ERP44: variants seen among roughly 807,000 people sequenced by gnomAD.
ERP44 encodes the protein endoplasmic reticulum resident protein 44.
ERP44 carries 25 observed loss-of-function variants against 53.4 expected under a neutral mutation model. The ratio of observed to expected loss-of-function variants is 0.47; its 90% CI spans 0.34 to 0.65. The LOEUF (loss-of-function observed/expected upper bound fraction) is 0.65. Among genes scored for constraint, ERP44 ranks in the 30% least tolerant of loss-of-function variants. The pLI, the probability that ERP44 is intolerant of heterozygous loss-of-function variation, is 0.01. For synonymous variants in ERP44, 145 were observed against 161.2 expected, an observed-to-expected ratio of 0.90 and a Z score of 0.76; for missense variants, 338 against 493.2, an observed-to-expected ratio of 0.69 and a Z score of 2.98.
intron 4 of ERP44, among the ~76,000 whole-genome samples, chr9:100,028,017 T>C (rs1236298811): frequency 6.6e-6 from 1 of 152,210 alleles, no homozygotes; most frequent in African/African-American, 2.4e-5. Context: ...TAACTGCTCA[T>C]CCAAATTCTG....
chr9:100,013,204 A>C (rs1292178294), intron 8 of ERP44, among the ~76,000 whole-genome samples: 1 of 152,164 alleles, frequency 6.6e-6, no homozygotes, highest in East Asian at 1.9e-4. Context: ...AACAATATAC[A>C]TACACCTTAG....
At chr9:100,036,040 C>T (rs1825845818) in intron 4 of ERP44, among the ~76,000 whole-genome samples, 1 of 152,200 alleles carries the variant, frequency 6.6e-6, no homozygotes, top group Admixed American at 6.5e-5. Flanking sequence ...AATCCCATTA[C>T]TGGGGATATA....
intron 1 of ERP44, 31 bp from the exon 2 acceptor site, chr9:100,060,203 ATG>A: frequency 6.9e-7 from 1 of 1,450,972 alleles, no homozygotes; most frequent in Non-Finnish European, 9.1e-7. Context: ...AAATTAATAA[ATG>A]TGTCCACAAA....
intron 1 of ERP44, among the ~76,000 whole-genome samples, chr9:100,085,107 T>A (rs1308234987): frequency 1.3e-5 from 2 of 152,250 alleles, no homozygotes; most frequent in Non-Finnish European, 2.9e-5. Flanking sequence ...GCTCGGTTAT[T>A]ATATATTTTA....
At chr9:100,068,349 G>A (rs1456092890) in intron 1 of ERP44, among the ~76,000 whole-genome samples, 65 of 118,990 alleles carry the variant, frequency 5.5e-4, no homozygotes, top group South Asian at 1.4e-3. Flanking sequence ...TCAGCCCCCC[G>A]CCCGGCCAGC....
chr9:100,060,662 G>C lies in ERP44; in HGVS notation c.58-490C>G, dbSNP rs995631357. Among the ~76,000 whole-genome samples, 7 of 152,268 alleles carry C rather than the reference G, an allele frequency of 4.6e-5. No homozygotes were observed. The East Asian group carries it at 1.3e-3, about 29-fold the overall frequency. On this transcript the variant is annotated intron_variant, in intron 1 of 11. Coordinates refer to ENST00000262455, the MANE Select transcript of ERP44 (RefSeq NM_015051.3). ...CTTCCGGTATAATTTTCACTTATTG[G>C]TGACAACAATGTGTTACATGAGAGG...
rs1233695070 is a variant in ERP44 at position 100,006,654 on chromosome 9, G to A, written c.875-7C>T. The A allele has an allele frequency of 1.3e-6, 2 of 1,550,218 alleles. No homozygotes were observed. Among genetic ancestry groups the A allele is most frequent in the Non-Finnish European group, 1.7e-6 (2 of 1,151,358 alleles). On this transcript the variant is annotated splice_polypyrimidine_tract_variant and splice_region_variant and intron_variant, in intron 9 of 11. Coordinates refer to ENST00000262455, the MANE Select transcript of ERP44 (RefSeq NM_015051.3). ...TGTAAAAAGTTTATTGTACCTTTAAGAAAAAAGAATTTTGAGAGGTAAATT... is the reference window on the plus strand; with the variant it reads ...TGTAAAAAGTTTATTGTACCTTTAAAAAAAAAGAATTTTGAGAGGTAAATT...
intron 1 of ERP44, among the ~76,000 whole-genome samples, chr9:100,061,181 G>C (rs1826142291): frequency 2.0e-5 from 3 of 152,186 alleles, no homozygotes; most frequent in Admixed American, 2.0e-4. Context: ...GGTGGCTCAT[G>C]CCTGTAATCC....
chr9:100,097,906 TCTA>T (rs1826664634), intron 1 of ERP44, among the ~76,000 whole-genome samples: 1 of 152,192 alleles, frequency 6.6e-6, no homozygotes, highest in Admixed American at 6.5e-5. Context: ...TTTCTAAAAA[TCTA>T]CTACAATTAA....
chr9:100,078,975 A>T (rs1826389628), intron 1 of ERP44, among the ~76,000 whole-genome samples: 1 of 152,134 alleles, frequency 6.6e-6, no homozygotes. Flanking sequence ...ATTATGTATG[A>T]TCTCAGGAGA....
At position 99,980,240 on chromosome 9, in the gene ERP44, T is replaced by A. The variant is rs952630445; in HGVS notation, c.*2372A>T. 7.6e-6 allele frequency: 3 copies of A among 394,854 alleles called. No individual in the cohort carries two copies. The highest frequency in any genetic ancestry group is 6.2e-5 in the African/African-American group (3 of 48,580). The allele number at this position is 394,854 out of a possible 1,614,324, so 24.5% of individuals were successfully genotyped here. ...TTGTTTACATATCCATATGCCTGAC[T>A]AGGCTGTGAACAACTCTAGGGCAGA... On this transcript the variant is annotated 3_prime_UTR_variant, in exon 12 of 12. Coordinates refer to ENST00000262455, the MANE Select transcript of ERP44 (RefSeq NM_015051.3).
rs1587951514 is a variant in ERP44, at chr9:99,981,952, C to T, written c.*660G>A. 1 of 152,292 alleles carries T rather than the reference C, an allele frequency of 6.6e-6. No homozygotes were observed. The highest frequency in any genetic ancestry group is 2.1e-4 in the South Asian group (1 of 4,824). The allele number at this position is 152,292 out of a possible 1,614,324, so 9.4% of individuals were successfully genotyped here. ...TCCATATGCCACATTTTTAGACAAA[C>T]ACAGAAGCTTAATAATACTTTTCAT... is the stretch of plus-strand genomic sequence containing the variant. On this transcript the variant is annotated 3_prime_UTR_variant, in exon 12 of 12. Transcript: ENST00000262455.
chr9:100,008,342 A>C (rs1342820973), intron 8 of ERP44, among the ~76,000 whole-genome samples: 2 of 152,172 alleles, frequency 1.3e-5, no homozygotes, highest in Non-Finnish European at 2.9e-5. Flanking sequence ...CACACAGAAA[A>C]GCACCTTGAA....
At chr9:99,994,171 T>C (rs1274230094) in intron 10 of ERP44, among the ~76,000 whole-genome samples, 3 of 152,212 alleles carry the variant, frequency 2.0e-5, no homozygotes, top group East Asian at 1.9e-4. Context: ...CAAAGCATTA[T>C]AAATCATGCT....
chr9:100,098,678 G>A (rs1826693083), intron 1 of ERP44, 106 bp downstream of exon 1: 2 of 980,206 alleles, frequency 2.0e-6, no homozygotes, highest in East Asian at 5.1e-5. Context: ...CCAAAACACT[G>A]CAGGAAAAGA....
intron 3 of ERP44, among the ~76,000 whole-genome samples, chr9:100,055,447 AC>A (rs1387194695): frequency 6.6e-6 from 1 of 152,182 alleles, no homozygotes; most frequent in Non-Finnish European, 1.5e-5. Context: ...ATCTCAGCTC[AC>A]CGCAACCTCC....
intron 1 of ERP44, among the ~76,000 whole-genome samples, chr9:100,082,395 T>A (rs1826436764): frequency 6.8e-6 from 1 of 147,520 alleles, no homozygotes; most frequent in Non-Finnish European, 1.5e-5. Flanking sequence ...ATAATATATA[T>A]ATATATATAT....
intron 1 of ERP44, among the ~76,000 whole-genome samples, chr9:100,069,349 T>C (rs1826274391): frequency 6.6e-6 from 1 of 151,918 alleles, no homozygotes; most frequent in African/African-American, 2.4e-5. Context: ...GAAGCATTTA[T>C]ATGTACTGTA....
chr9:100,091,949 T>C (rs556578694), intron 1 of ERP44, among the ~76,000 whole-genome samples: 1 of 152,252 alleles, frequency 6.6e-6, no homozygotes, highest in East Asian at 1.9e-4. Context: ...TACTTTCCTT[T>C]TGGTAGTCTA....
Sources: gnomAD v4.1 joint callset for allele counts (sites outside exome capture counted in the v4.1 genomes callset) on GRCh38, gnomAD v4.1.1 for gene constraint, MANE v1.5 for transcripts, NCBI Gene and HGNC (gene_info 2026-07-23, HGNC 2026-07-21) for gene names.